RGS7: variants seen among roughly 807,000 people sequenced by gnomAD.
RGS7 encodes the protein regulator of G-protein signaling 7.
RGS7 carries 27 observed loss-of-function variants against 81.1 expected under a neutral mutation model. The observed-to-expected ratio is 0.33, with a 90% confidence interval of 0.25 to 0.46. The LOEUF (loss-of-function observed/expected upper bound fraction) is 0.46. Among genes scored for constraint, RGS7 ranks in the 20% least tolerant of loss-of-function variants. The pLI, the probability that RGS7 is intolerant of heterozygous loss-of-function variation, is 1.00. For missense variants in RGS7, 396 were observed against 607.4 expected (o/e 0.65, Z 3.66); for synonymous variants, 208 against 207.7 (o/e 1.00, Z -0.01).
chr1:241,136,461 C>A (rs899966674), intron 2 of RGS7, among the ~76,000 whole-genome samples: 1 of 151,950 alleles, frequency 6.6e-6, no homozygotes, highest in East Asian at 1.9e-4. Context: ...GGGGGATGTT[C>A]ATGGGGTAGA....
At chr1:241,116,560 G>A (rs1040038929) in intron 2 of RGS7, among the ~76,000 whole-genome samples, 37 of 152,022 alleles carry the variant, frequency 2.4e-4, no homozygotes, top group Non-Finnish European at 4.1e-4. Flanking sequence ...TTTCCTATAA[G>A]ACTCCAAACT....
chr1:240,990,224 G>T (rs1222852522), intron 3 of RGS7, among the ~76,000 whole-genome samples: 1 of 152,088 alleles, frequency 6.6e-6, no homozygotes, highest in Non-Finnish European at 1.5e-5. Context: ...TGAGTGCTTT[G>T]CAGACATAAC....
At chr1:241,220,886 CAGAG>C (rs1332185239) in intron 2 of RGS7, among the ~76,000 whole-genome samples, 1 of 144,102 alleles carries the variant, frequency 6.9e-6, no homozygotes, top group Admixed American at 7.2e-5. Flanking sequence ...GGGTGACAGA[CAGAG>C]AGAGAGAGAT....
chr1:241,096,214 A>G (rs2064242317), intron 3 of RGS7, among the ~76,000 whole-genome samples: 4 of 152,212 alleles, frequency 2.6e-5, no homozygotes, highest in Admixed American at 2.6e-4. Context: ...GGGGAAGCTG[A>G]AAGAGCTGGG....
intron 2 of RGS7, among the ~76,000 whole-genome samples, chr1:241,343,371 T>C (rs12075823): frequency 2.0e-5 from 3 of 152,182 alleles, no homozygotes; most frequent in African/African-American, 7.2e-5. Flanking sequence ...TATTTGTATA[T>C]CCATGTTCAC....
Position 241,138,836 on chromosome 1 carries a change from A to G in RGS7, c.79-40074T>C, listed in dbSNP as rs187003667. 3.9e-5 allele frequency among the ~76,000 whole-genome samples: 6 copies of G among 152,286 alleles called. No individual in the cohort carries two copies. In the East Asian group the frequency reaches 1.2e-3, roughly 29 times the overall value. ...AATATATGCTTTTTTTAAAAAATAT[A>G]ACAAATCCCCATAATCCAGATTAAA... On this transcript the variant is annotated intron_variant, in intron 2 of 18. Transcript: ENST00000440928.
intron 18 of RGS7, among the ~76,000 whole-genome samples, chr1:240,780,669 A>C (rs1683858255): frequency 6.6e-6 from 1 of 151,908 alleles, no homozygotes. Flanking sequence ...TAATCTCAGC[A>C]CTTTGGGAGA....
chr1:240,875,254 T>A (rs1316514650), intron 6 of RGS7, among the ~76,000 whole-genome samples: 3 of 152,150 alleles, frequency 2.0e-5, no homozygotes, highest in African/African-American at 4.8e-5. Context: ...TAAACTTTTT[T>A]CAGATTCCAC....
At chr1:240,992,230 G>A (rs187625706) in intron 3 of RGS7, among the ~76,000 whole-genome samples, 31 of 152,318 alleles carry the variant, frequency 2.0e-4, no homozygotes, top group East Asian at 7.7e-4. Flanking sequence ...CAGGCCGGGC[G>A]CGTTGGCTCA....
intron 2 of RGS7, among the ~76,000 whole-genome samples, chr1:241,235,003 C>T (rs957855700): frequency 2.0e-5 from 3 of 152,110 alleles, no homozygotes; most frequent in African/African-American, 7.2e-5. Context: ...CTTTTTAAAT[C>T]TAATTTCTAT....
At chr1:241,269,250 G>A (rs2077747663) in intron 2 of RGS7, among the ~76,000 whole-genome samples, 1 of 152,268 alleles carries the variant, frequency 6.6e-6, no homozygotes, top group South Asian at 2.1e-4. Flanking sequence ...AACACGATAG[G>A]AGGGCTGTGG....
intron 2 of RGS7, among the ~76,000 whole-genome samples, chr1:241,244,613 C>T (rs36170558): frequency 3.3e-5 from 5 of 152,116 alleles, no homozygotes; most frequent in African/African-American, 9.6e-5. Flanking sequence ...TGGGTATATA[C>T]GCAAAGGATT....
intron 6 of RGS7, among the ~76,000 whole-genome samples, chr1:240,870,512 T>C (rs758364670): frequency 2.4e-4 from 37 of 152,062 alleles, no homozygotes; most frequent in Non-Finnish European, 4.7e-4. Context: ...GCTAATTTTA[T>C]CGTTATTATT....
chr1:240,999,488 A>C (rs1687803925), intron 3 of RGS7, among the ~76,000 whole-genome samples: 1 of 152,196 alleles, frequency 6.6e-6, no homozygotes. Flanking sequence ...TGGATACTTC[A>C]AAATCTTTGT....
chr1:240,855,372 C>T (rs1345279428), intron 9 of RGS7, among the ~76,000 whole-genome samples: 1 of 140,636 alleles, frequency 7.1e-6, no homozygotes, highest in East Asian at 2.2e-4. Context: ...AATTTCTTAT[C>T]CAATTTCTTA....
intron 2 of RGS7, among the ~76,000 whole-genome samples, chr1:241,173,858 C>G (rs1558154541): frequency 6.6e-6 from 1 of 152,218 alleles, no homozygotes; most frequent in African/African-American, 2.4e-5. Flanking sequence ...CATAGTCAAG[C>G]TGGAGAATTC....
At chr1:240,966,671 T>G (rs930304396) in intron 4 of RGS7, among the ~76,000 whole-genome samples, 4 of 152,178 alleles carry the variant, frequency 2.6e-5, no homozygotes, top group Non-Finnish European at 4.4e-5. Flanking sequence ...CTCCTTGCTT[T>G]TACTTAGAGA....
At chr1:241,030,361 C>T (rs1346545988) in intron 3 of RGS7, among the ~76,000 whole-genome samples, 5 of 102,194 alleles carry the variant, frequency 4.9e-5, no homozygotes, top group South Asian at 3.0e-4. Flanking sequence ...GAACTTATAG[C>T]ATATATATAT....
In RGS7 at chr1:240,976,234, C is replaced by T. The variant is rs140067917; in HGVS notation, c.226+6845G>A. Among the ~76,000 whole-genome samples the T allele has an allele frequency of 1.6e-3, 245 of 152,316 alleles. 2 individuals are homozygous for T. The highest frequency in any genetic ancestry group is 0.013 in the East Asian group (68 of 5,180). On this transcript the variant is annotated intron_variant, in intron 4 of 18. Coordinates refer to ENST00000440928, the MANE Select transcript of RGS7 (RefSeq NM_001364886.1). Reference sequence around the variant, plus strand: ...TCCTACTTTGAGGTCTGATTAGTTGCTGTGCCCCCAGAGTGAGCCTGGCTA... The same window carrying T: ...TCCTACTTTGAGGTCTGATTAGTTGTTGTGCCCCCAGAGTGAGCCTGGCTA...
Sources: gnomAD v4.1 joint callset for allele counts (sites outside exome capture counted in the v4.1 genomes callset) on GRCh38, gnomAD v4.1.1 for gene constraint, MANE v1.5 for transcripts, NCBI Gene and HGNC (gene_info 2026-07-23, HGNC 2026-07-21) for gene names.